Variants in PLOD1 observed in about 807,000 individuals in gnomAD.
PLOD1 encodes the protein procollagen-lysine,2-oxoglutarate 5-dioxygenase 1.
In PLOD1, 70 loss-of-function variants were observed where a neutral mutation model predicts 94.7. That is an observed-to-expected ratio of 0.74 (90% CI 0.61 to 0.90). PLOD1 has a LOEUF of 0.90. PLOD1 is among the 40% of genes least tolerant of loss of function. PLOD1 has a pLI of 0.00. For synonymous variants in PLOD1, 417 were observed against 400.2 expected (o/e 1.04, Z -0.50); for missense variants, 905 against 972.7 (o/e 0.93, Z 0.93).
intron 16 of PLOD1, among the ~76,000 whole-genome samples, chr1:11,969,062 C>T (rs1422694297): frequency 7.2e-6 from 1 of 138,522 alleles, no homozygotes; most frequent in Non-Finnish European, 1.5e-5. Flanking sequence ...TTTTGCTCGT[C>T]ACCCAGGTGG....
intron 1 of PLOD1, among the ~76,000 whole-genome samples, chr1:11,946,135 CTG>C (rs1415053809): frequency 6.6e-6 from 1 of 152,138 alleles, no homozygotes; most frequent in Non-Finnish European, 1.5e-5. Flanking sequence ...AAGGGGGAAA[CTG>C]AGTCTCAGAA....
intron 1 of PLOD1, among the ~76,000 whole-genome samples, chr1:11,938,573 G>A (rs1645595475): frequency 6.6e-6 from 1 of 152,148 alleles, no homozygotes; most frequent in Non-Finnish European, 1.5e-5. Flanking sequence ...TAGTGTGTGT[G>A]TTTGGTGGGG....
Position 11,972,586 on chromosome 1 carries a change from T to G in PLOD1, c.1903-286T>G. 1 of 406,108 alleles carries G rather than the reference T, an allele frequency of 2.5e-6. No individual in the cohort carries two copies. The allele number at this position is 406,108 out of a possible 1,614,324, so 25.2% of individuals were successfully genotyped here. On this transcript the variant is annotated intron_variant, in intron 17 of 18. Transcript: ENST00000196061. This position sits in a 1 kb window ranked among gnomAD's most constrained non-coding sequence, Gnocchi z 4.6. ...TTCATTTCTTCTCTTCCCTTTCATT[T>G]CTTCTCTTCCCTTTTCCTCCCTTCC...
chr1:11,939,915 C>T (rs1197202886), intron 1 of PLOD1, among the ~76,000 whole-genome samples: 1 of 152,152 alleles, frequency 6.6e-6, no homozygotes, highest in Non-Finnish European at 1.5e-5. Context: ...TCATTCTTCT[C>T]TTAAAAGTTT....
At chr1:11,945,561 A>G (rs149839405) in intron 1 of PLOD1, among the ~76,000 whole-genome samples, 67 of 152,222 alleles carry the variant, frequency 4.4e-4, no homozygotes, top group African/African-American at 1.6e-3. Context: ...GGAACCCAGC[A>G]AGGAGAGACC....
In PLOD1 at chr1:11,973,118, A is replaced by G. The variant is rs1645878630; in HGVS notation, c.2028+121A>G. ...AGGTAACCAGTGCCAGAGAACCAGA[A>G]AAAAAAGGATGTGGGTCTGTGGGAG... On this transcript the variant is annotated intron_variant, in intron 18 of 18. Coordinates refer to ENST00000196061, the MANE Select transcript of PLOD1 (RefSeq NM_000302.4). 3 of 1,058,942 alleles carry G rather than the reference A, an allele frequency of 2.8e-6. No individual in the cohort carries two copies. The East Asian group carries it at 7.7e-5, about 27-fold the overall frequency. 65.6% of individuals were successfully genotyped at this position (1,058,942 alleles called of 1,614,324 possible). A position where few individuals can be genotyped will look rare whatever the true frequency, so the allele number is the denominator to read the frequency against.
At chr1:11,940,158 G>A (rs968224523) in intron 1 of PLOD1, among the ~76,000 whole-genome samples, 3 of 152,090 alleles carry the variant, frequency 2.0e-5, no homozygotes, top group African/African-American at 4.8e-5. Context: ...GAGTAGCTGG[G>A]CCTAGAGGTG....
chr1:11,969,474 G>C (rs1304677303), intron 16 of PLOD1, among the ~76,000 whole-genome samples: 1 of 152,206 alleles, frequency 6.6e-6, no homozygotes, highest in Non-Finnish European at 1.5e-5. Context: ...CCAGGAACTG[G>C]ACTAGCCCGT....
intron 1 of PLOD1, among the ~76,000 whole-genome samples, chr1:11,939,037 C>T (rs192736152): frequency 1.1e-3 from 164 of 152,296 alleles, no homozygotes; most frequent in African/African-American, 3.8e-3. Context: ...CCCTTCCTCC[C>T]GTTTGTAGAA....
At chr1:11,942,165 T>C (rs966121586) in intron 1 of PLOD1, among the ~76,000 whole-genome samples, 18 of 152,206 alleles carry the variant, frequency 1.2e-4, no homozygotes, top group Non-Finnish European at 8.8e-5. Context: ...GTATTTTTAG[T>C]AGAGACGGGG....
chr1:11,952,733 A>C lies in PLOD1; in HGVS notation c.577A>C (p.Arg193=), dbSNP rs569590633. Reference sequence around the variant, plus strand: ...CAAGATCTTCTTGGACCCGGAGAAGAGGGTAAGAGGCAGTGGGCGGGCCAA... The same window carrying C: ...CAAGATCTTCTTGGACCCGGAGAAGCGGGTAAGAGGCAGTGGGCGGGCCAA... The part of the protein sequence containing the change: ...YTKIFLDPEK[R]EQINITLDHR... The change falls in exon 5 of 19, where the codon AGG becomes CGG. Residue 193 remains arginine, a splice_region_variant and synonymous_variant. Coordinates refer to ENST00000196061, the MANE Select transcript of PLOD1 (RefSeq NM_000302.4). The C allele has an allele frequency of 1.0e-4, 165 of 1,609,404 alleles. 3 individuals carry two copies. The South Asian group carries it at 1.8e-3, about 17-fold the overall frequency.
chr1:11,971,722 C>T (rs1645865220), intron 17 of PLOD1: 2 of 152,270 alleles, frequency 1.3e-5, no homozygotes, highest in Non-Finnish European at 2.9e-5. Flanking sequence ...CTCAGTGGCT[C>T]CTATACCAGC....
At chr1:11,940,581 T>C (rs549141705) in intron 1 of PLOD1, among the ~76,000 whole-genome samples, 1 of 152,350 alleles carries the variant, frequency 6.6e-6, no homozygotes, top group East Asian at 1.9e-4. Context: ...CTAAATTCCC[T>C]GCCCAGCAAT....
rs1481039358 is a variant in PLOD1 at position 11,960,746 on chromosome 1, C to T, written c.1076C>T (p.Ala359Val). 6.2e-7 allele frequency: 1 copy of T among 1,613,260 alleles called. No homozygotes were observed. The highest frequency in any genetic ancestry group is 1.7e-5 in the Admixed American group (1 of 60,020). The part of the protein sequence containing the change: ...LVGPEVRMAN[A>V]DARNMGADLC... ...GGCCCTGAGGTGCGGATGGCGAATG[C>T]AGATGCCAGGAACATGGGCGCGTGA... The change falls in exon 10 of 19, where the codon GCA (alanine) becomes GTA (valine). Residue 359 changes from alanine to valine, a missense_variant. Transcript: ENST00000196061.
At chr1:11,967,190 T>G in intron 16 of PLOD1, 99 bp downstream of exon 16, 1 of 779,316 alleles carries the variant, frequency 1.3e-6, no homozygotes, top group Non-Finnish European at 2.3e-6. Context: ...CTGGCCACCC[T>G]TTCTGGGACT....
chr1:11,939,502 T>G (rs928243284), intron 1 of PLOD1, among the ~76,000 whole-genome samples: 1 of 152,094 alleles, frequency 6.6e-6, no homozygotes, highest in Admixed American at 6.6e-5. Flanking sequence ...GGAGGGGGCA[T>G]CCGGTGGCAC....
chr1:11,951,906 G>C (rs1017099313), intron 4 of PLOD1, among the ~76,000 whole-genome samples: 1 of 151,708 alleles, frequency 6.6e-6, no homozygotes, highest in African/African-American at 2.4e-5. Flanking sequence ...GCGACAGAGC[G>C]AGACATTGTC....
In PLOD1 at chr1:11,966,887, A is replaced by G. The variant is rs138584850; in HGVS notation, c.1651-100A>G. 5.8e-4 allele frequency: 466 copies of G among 807,548 alleles called. 2 individuals carry two copies. Among genetic ancestry groups the G allele is most frequent in the Middle Eastern group, 1.3e-3 (6 of 4,482 alleles). The allele number at this position is 807,548 out of a possible 1,614,324, so 50.0% of individuals were successfully genotyped here. On this transcript the variant is annotated intron_variant, in intron 15 of 18. Transcript: ENST00000196061. ...TGACAAGGCCCTGCTCCCCGGGGAC[A>G]CTGGGAGGGCTCCCTGGCTTGGGTG...
chr1:11,965,327 A>AT (rs1475774206), intron 13 of PLOD1, among the ~76,000 whole-genome samples, 153 bp from the exon 14 acceptor site: 1 of 151,706 alleles, frequency 6.6e-6, no homozygotes, highest in Non-Finnish European at 1.5e-5. Flanking sequence ...CCCTGGGGAC[A>AT]TAGCGGTGAC....
Sources: gnomAD v4.1 joint callset for allele counts (sites outside exome capture counted in the v4.1 genomes callset) on GRCh38, gnomAD v4.1.1 for gene constraint, Gnocchi (gnomAD v3.1) non-coding constraint, MANE v1.5 for transcripts, NCBI Gene and HGNC (gene_info 2026-07-23, HGNC 2026-07-21) for gene names.